The following ABCB6 variants were observed in gnomAD, a reference collection of about 807,000 sequenced individuals.
The protein encoded by ABCB6 is ATP-binding cassette sub-family B member 6.
In ABCB6, 87 loss-of-function variants were observed where a neutral mutation model predicts 99.4. That is an observed-to-expected ratio of 0.88 (90% CI 0.74 to 1.05). The LOEUF (loss-of-function observed/expected upper bound fraction) is 1.05, where lower values mean the gene tolerates loss of function less well. Ranked by LOEUF, ABCB6 falls within the 50% of genes least tolerant of loss-of-function variation. ABCB6 has a pLI of 0.00. For synonymous variants in ABCB6, 482 were observed against 447.5 expected (o/e 1.08, Z -0.97); for missense variants, 1,050 against 1,097.9 (o/e 0.96, Z 0.62).
rs1334030514 is a variant in ABCB6 at position 219,218,535 on chromosome 2, C to T, written c.139G>A (p.Ala47Thr). Reference protein sequence around the residue: ...MALGTLALVLALPCRRRERPA... With the variant: ...MALGTLALVLTLPCRRRERPA... Reference sequence around the variant, plus strand: ...CGCTCCCGGCGTCTGCAGGGAAGAGCCAGCACCAAGGCCAGAGTCCCCAGA... The same window carrying T: ...CGCTCCCGGCGTCTGCAGGGAAGAGTCAGCACCAAGGCCAGAGTCCCCAGA... Residue 47 changes from alanine to threonine, a missense_variant, in exon 1 of 19, where the codon GCT becomes ACT. Ala to Thr is a moderately conservative substitution (Grantham distance 58, BLOSUM62 0). Transcript: ENST00000265316. 3.7e-6 allele frequency: 6 copies of T among 1,611,416 alleles called. No individual in the cohort carries two copies. The highest frequency in any genetic ancestry group is 1.3e-5 in the African/African-American group (1 of 75,060).
Position 219,216,032 on chromosome 2 carries a change from C to G in ABCB6, c.1119G>C (p.Ala373=). The change falls in exon 5 of 19, where the codon GCG becomes GCC. Residue 373 remains alanine, a synonymous_variant. Coordinates refer to ENST00000265316, the MANE Select transcript of ABCB6 (RefSeq NM_005689.4). This position sits in a 1 kb window ranked among gnomAD's most constrained non-coding sequence, Gnocchi z 4.2. The part of the protein sequence containing the change: ...GRRTGEVLRI[A]DRGTSSVTGL... ...CTGTGACACTGGATGTGCCCCGATC[C>G]GCGATCCGCAGCACCTCCCCTGTGC... The G allele has an allele frequency of 1.2e-6, 2 of 1,601,790 alleles. No homozygotes were observed. Among genetic ancestry groups the G allele is most frequent in the Non-Finnish European group, 1.7e-6 (2 of 1,172,694 alleles).
Position 219,214,175 on chromosome 2 carries a change from G to C in ABCB6, c.1398C>G (p.Tyr466Ter). The C allele has an allele frequency of 6.2e-7, 1 of 1,614,198 alleles. No individual in the cohort carries two copies. The highest frequency in any genetic ancestry group is 1.3e-5 in the African/African-American group (1 of 75,046). Residue 466 changes from tyrosine (Y) to a stop codon, truncating the protein, a stop_gained, in exon 8 of 19, where the codon TAC becomes TAG. Coordinates refer to ENST00000265316, the MANE Select transcript of ABCB6 (RefSeq NM_005689.4). LOFTEE classifies it high-confidence loss of function. ...GTTCCACTTCGTAACTCTCGGCGTT[G>C]TAATACTTCACCTGATGAATTCAAA... is the stretch of plus-strand genomic sequence containing the variant. ...SLLNFETVKY[Y>*]NAESYEVERY... is the part of the protein sequence containing the mutation.
chr2:219,214,260 A>G (rs1385138310), intron 7 of ABCB6, 74 bp from the exon 8 acceptor site: 1 of 1,530,966 alleles, frequency 6.5e-7, no homozygotes, highest in Non-Finnish European at 9.1e-7. Flanking sequence ...CCAACTCTCA[A>G]TCCTCCTTCC....
At position 219,214,433 on chromosome 2, in the gene ABCB6, C is replaced by T. The variant is rs767885705; in HGVS notation, c.1342G>A (p.Ala448Thr). The T allele has an allele frequency of 6.2e-7, 1 of 1,614,194 alleles. No individual in the cohort carries two copies. The highest frequency in any genetic ancestry group is 1.1e-5 in the South Asian group (1 of 91,086). ...GAGTCCACTGCTCGTGCCCGGGTAG[C>T]GTTCTCCTGTGTGTTCATAGCACGA... ...FRRAMNTQEN[A>T]TRARAVDSLL... Residue 448 changes from alanine (A) to threonine (T), a missense_variant, in exon 7 of 19, where the codon GCT becomes ACT. Ala to Thr is a moderately conservative substitution (Grantham distance 58, BLOSUM62 0). Coordinates refer to ENST00000265316, the MANE Select transcript of ABCB6 (RefSeq NM_005689.4).
rs766418504 is a variant in ABCB6, at chr2:219,214,451, T to C, written c.1324A>G (p.Met442Val). Reference sequence around the variant, plus strand: ...CGGGTAGCGTTCTCCTGTGTGTTCATAGCACGACGAAACTTGGTTCTCCAC... The same window carrying C: ...CGGGTAGCGTTCTCCTGTGTGTTCACAGCACGACGAAACTTGGTTCTCCAC... ...TEWRTKFRRA[M>V]NTQENATRAR... Residue 442 changes from methionine (M) to valine (V), a missense_variant, in exon 7 of 19, where the codon ATG becomes GTG. Met to Val is a conservative substitution (Grantham distance 21). Transcript: ENST00000265316. 8.7e-6 allele frequency: 14 copies of C among 1,614,044 alleles called. No individual in the cohort carries two copies. The highest frequency in any genetic ancestry group is 1.6e-4 in the Middle Eastern group (1 of 6,084).
chr2:219,216,553 C>T lies in ABCB6; in HGVS notation c.869-88G>A, dbSNP rs1200526758. Reference sequence around the variant, plus strand: ...CCCAGGTACCAGCCACAGTCTCTTTCTGACCACCCAGCTCTGTCCCACCTC... The same window carrying T: ...CCCAGGTACCAGCCACAGTCTCTTTTTGACCACCCAGCTCTGTCCCACCTC... On this transcript the variant is annotated intron_variant, in intron 3 of 18. Transcript: ENST00000265316. The surrounding 1 kb of genome is among the most constrained non-coding windows in gnomAD (Gnocchi z 4.2). 1 of 1,549,200 alleles carries T rather than the reference C, an allele frequency of 6.5e-7. No individual in the cohort carries two copies. The highest frequency in any genetic ancestry group is 8.8e-7 in the Non-Finnish European group (1 of 1,139,518).
Position 219,215,092 on chromosome 2 carries a change from C to A in ABCB6, c.1155-10G>T, listed in dbSNP as rs1297547886. Reference sequence around the variant, plus strand: ...ATTGAACACCAGGTAGCTAGGAGGGCAGGTCAAGTGAATAAGAAAGGTCTG... The same window carrying A: ...ATTGAACACCAGGTAGCTAGGAGGGAAGGTCAAGTGAATAAGAAAGGTCTG... On this transcript the variant is annotated splice_polypyrimidine_tract_variant and intron_variant, in intron 5 of 18. Transcript: ENST00000265316. 4 of 1,613,824 alleles carry A rather than the reference C, an allele frequency of 2.5e-6. No individual in the cohort carries two copies. The African/African-American group carries it at 5.3e-5, about 22-fold the overall frequency.
rs568168383 is a variant in ABCB6, at chr2:219,209,893, T to C, written c.*45A>G. The C allele has an allele frequency of 2.1e-6, 3 of 1,413,850 alleles. No individual in the cohort carries two copies. Among genetic ancestry groups the C allele is most frequent in the African/African-American group, 2.8e-5 (2 of 71,074 alleles). 87.6% of individuals were successfully genotyped at this position (1,413,850 alleles called of 1,614,324 possible). A position where few individuals can be genotyped will look rare whatever the true frequency, so the allele number is the denominator to read the frequency against. ...AGCCAGGGAAAGGAGACACATCTTA[T>C]TCCCTTCTGGGTTAGTCTTTGAGAG... On this transcript the variant is annotated 3_prime_UTR_variant, in exon 19 of 19. Transcript: ENST00000265316.
intron 12 of ABCB6, 21 bp downstream of exon 12, chr2:219,213,220 G>A (rs1380143784): frequency 1.9e-6 from 3 of 1,613,592 alleles, no homozygotes; most frequent in South Asian, 2.2e-5. Context: ...AAAAGCAAAG[G>A]AAGCAAAAGG....
chr2:219,212,874 G>C, intron 13 of ABCB6, 134 bp downstream of exon 13: 1 of 1,031,612 alleles, frequency 9.7e-7, no homozygotes, highest in South Asian at 1.4e-5. Flanking sequence ...AGTGTCCATG[G>C]AGGCTGCACC....
chr2:219,218,590 G>C lies in ABCB6; in HGVS notation c.84C>G (p.Phe28Leu), dbSNP rs770221962. 3 of 1,612,584 alleles carry C rather than the reference G, an allele frequency of 1.9e-6. No individual in the cohort carries two copies. In the East Asian group the frequency reaches 6.7e-5, roughly 36 times the overall value. The change falls in exon 1 of 19, where the codon TTC becomes TTG. Residue 28 changes from phenylalanine to leucine, a missense_variant. Coordinates refer to ENST00000265316, the MANE Select transcript of ABCB6 (RefSeq NM_005689.4). ...WMQDGLSPCF[F>L]FTLVPSTRMA... ...TCCGCGTCGAGGGCACGAGCGTGAA[G>C]AAGAAGCAGGGACTCAGGCCATCCT...
Position 219,212,500 on chromosome 2 carries a change from T to C in ABCB6, c.1864-9A>G, listed in dbSNP as rs373316042. 9.5e-5 allele frequency: 153 copies of C among 1,611,178 alleles called. No homozygotes were observed. Among genetic ancestry groups the C allele is most frequent in the Middle Eastern group, 4.9e-4 (3 of 6,068 alleles). ...GCCCCAGATGGGCCCACCTGTTGCATTGGAAATGGGAAAAATCTCAGGCCC... is the reference window on the plus strand; with the variant it reads ...GCCCCAGATGGGCCCACCTGTTGCACTGGAAATGGGAAAAATCTCAGGCCC... On this transcript the variant is annotated splice_polypyrimidine_tract_variant and intron_variant, in intron 13 of 18. Transcript: ENST00000265316.
intron 14 of ABCB6, 27 bp downstream of exon 14, chr2:219,212,359 AC>A: frequency 6.2e-7 from 1 of 1,600,286 alleles, no homozygotes; most frequent in Non-Finnish European, 8.6e-7. Flanking sequence ...AGACCCCTAA[AC>A]CACCGTCTTC....
intron 1 of ABCB6, 31 bp downstream of exon 1, chr2:219,218,094 G>A: frequency 6.4e-7 from 1 of 1,568,544 alleles, no homozygotes; most frequent in Non-Finnish European, 8.6e-7. Context: ...CCGGCCAGCA[G>A]AGGCTTCCCC....
Position 219,213,915 on chromosome 2 carries a change from G to T in ABCB6, c.1489C>A (p.Leu497Ile), listed in dbSNP as rs756601629. The T allele has an allele frequency of 4.3e-6, 7 of 1,614,108 alleles. No individual in the cohort carries two copies. Among genetic ancestry groups the T allele is most frequent in the Non-Finnish European group, 5.9e-6 (7 of 1,180,034 alleles). Reference protein sequence around the residue: ...EWKSSASLVLLNQTQNLVIGL... With the variant: ...EWKSSASLVLINQTQNLVIGL... ...ATCACCAGGTTCTGGGTCTGATTTA[G>T]TAAAACCAGTGAAGCGCTCGACTTC... is the stretch of plus-strand genomic sequence containing the variant. Residue 497 changes from leucine to isoleucine, a missense_variant, in exon 9 of 19, where the codon CTA (leucine) becomes ATA (isoleucine). Leu to Ile is a conservative substitution (Grantham distance 5). Transcript: ENST00000265316.
At chr2:219,212,972 G>A in intron 13 of ABCB6, 36 bp downstream of exon 13, 1 of 1,610,774 alleles carries the variant, frequency 6.2e-7, no homozygotes, top group Non-Finnish European at 8.5e-7. Flanking sequence ...AGGGAAGCTT[G>A]AGGCATCTGG....
chr2:219,213,327 C>T lies in ABCB6; in HGVS notation c.1720-1G>A. On this transcript the variant is annotated splice_acceptor_variant, in intron 11 of 18. Coordinates refer to ENST00000265316, the MANE Select transcript of ABCB6 (RefSeq NM_005689.4). LOFTEE classifies it high-confidence loss of function. ...GCCCTGCTCCAGGAAGGTCCTTCAC[C>T]TGGAAGGGCACCACCCATGTGTGCT... The T allele has an allele frequency of 6.2e-7, 1 of 1,614,070 alleles. No individual in the cohort carries two copies.
At position 219,214,491 on chromosome 2, in the gene ABCB6, G is replaced by A. The variant is rs887404423; in HGVS notation, c.1284C>T (p.Thr428=). The stretch of plus-strand genomic sequence containing the variant: ...TGGTTCTCCACTCAGTGACCACAAT[G>A]GTCAGGGCTGGAGAGTGACAGGATG... ...FLCMSLYLTL[T]IVVTEWRTKF... is the part of the protein sequence containing the mutation. The change falls in exon 7 of 19, where the codon ACC becomes ACT. Residue 428 remains threonine, a synonymous_variant. Transcript: ENST00000265316. 4.3e-6 allele frequency: 7 copies of A among 1,612,696 alleles called. No individual in the cohort carries two copies. Among genetic ancestry groups the A allele is most frequent in the African/African-American group, 1.3e-5 (1 of 74,886 alleles).
At chr2:219,217,573 G>A in intron 2 of ABCB6, 97 bp downstream of exon 2, 1 of 995,848 alleles carries the variant, frequency 1.0e-6, no homozygotes, top group Non-Finnish European at 1.5e-6. Flanking sequence ...GAACCCGGGA[G>A]GTGGAGGTTG....
Sources: gnomAD v4.1 joint callset for allele counts on GRCh38, gnomAD v4.1.1 for gene constraint, Gnocchi (gnomAD v3.1) non-coding constraint, MANE v1.5 for transcripts, NCBI Gene and HGNC (gene_info 2026-07-23, HGNC 2026-07-21) for gene names.